CPQ: variants seen among roughly 807,000 people sequenced by gnomAD.
CPQ encodes the protein carboxypeptidase Q.
CPQ carries 37 observed loss-of-function variants against 45.7 expected under a neutral mutation model. The observed-to-expected ratio is 0.81, with a 90% CI of 0.62 to 1.07. CPQ has a LOEUF of 1.07. CPQ is among the 50% of genes least tolerant of loss of function. The pLI, the probability that CPQ is intolerant of heterozygous loss-of-function variation, is 0.00. For missense variants in CPQ, 537 were observed against 572.9 expected (o/e 0.94, Z 0.64); for synonymous variants, 186 against 205.8 (o/e 0.90, Z 0.82).
At position 96,741,650 on chromosome 8, in the gene CPQ, G is replaced by C. The variant is rs1483389342; in HGVS notation, c.-34-43214G>C. On this transcript the variant is annotated intron_variant, in intron 1 of 7. Transcript: ENST00000220763. Reference sequence around the variant, plus strand: ...TCCCTCTACACACTGCTTTGGATGCGTCCCAGAGATTCTGGTATGTTGTGT... The same window carrying C: ...TCCCTCTACACACTGCTTTGGATGCCTCCCAGAGATTCTGGTATGTTGTGT... Among the ~76,000 whole-genome samples, 3 of 151,910 alleles carry C rather than the reference G, an allele frequency of 2.0e-5. No individual in the cohort carries two copies. The South Asian group carries it at 6.3e-4, about 32-fold the overall frequency.
chr8:96,729,712 C>T (rs1809885742), intron 1 of CPQ, among the ~76,000 whole-genome samples: 1 of 152,236 alleles, frequency 6.6e-6, no homozygotes, highest in South Asian at 2.1e-4. Context: ...TATTATCACT[C>T]CCATTAAAAT....
intron 5 of CPQ, among the ~76,000 whole-genome samples, chr8:96,995,051 G>C (rs1809155456): frequency 6.6e-6 from 1 of 151,912 alleles, no homozygotes; most frequent in Non-Finnish European, 1.5e-5. Context: ...AAATCATACA[G>C]GTCTTGATAA....
intron 1 of CPQ, among the ~76,000 whole-genome samples, chr8:96,690,655 C>A (rs1316143841): frequency 1.3e-5 from 2 of 152,186 alleles, no homozygotes; most frequent in Non-Finnish European, 2.9e-5. Context: ...CATCTTCTTG[C>A]AACTCCGTTT....
At position 96,883,622 on chromosome 8, in the gene CPQ, C is replaced by T. The variant is rs193111788; in HGVS notation, c.849+3617C>T. On this transcript the variant is annotated intron_variant, in intron 4 of 7. Transcript: ENST00000220763. ...ATCTGCATTCTAGCTGGCCTGGAAC[C>T]GCAGGGGACATACAGACTATGAAGG... is the stretch of plus-strand genomic sequence containing the variant. Among the ~76,000 whole-genome samples, 282 of 152,204 alleles carry T rather than the reference C, an allele frequency of 1.9e-3. 3 individuals carry two copies. The highest frequency in any genetic ancestry group is 0.013 in the South Asian group (64 of 4,820).
At chr8:97,005,907 A>G (rs1234936101) in intron 5 of CPQ, among the ~76,000 whole-genome samples, 3 of 152,220 alleles carry the variant, frequency 2.0e-5, no homozygotes, top group African/African-American at 7.2e-5. Flanking sequence ...TGCACTGAAT[A>G]ATGGGAACCT....
chr8:96,792,739 G>A (rs192700796), intron 2 of CPQ, among the ~76,000 whole-genome samples: 66 of 152,106 alleles, frequency 4.3e-4, no homozygotes, highest in Non-Finnish European at 8.4e-4. Context: ...TTCTTTCCTT[G>A]GGGTATTATT....
intron 2 of CPQ, among the ~76,000 whole-genome samples, chr8:96,800,317 C>G (rs1422816841): frequency 6.6e-6 from 1 of 152,138 alleles, no homozygotes; most frequent in African/African-American, 2.4e-5. Context: ...CACTTTGTAG[C>G]AGGGATGTAT....
At chr8:96,828,736 G>A (rs1002026857) in intron 2 of CPQ, among the ~76,000 whole-genome samples, 1 of 152,036 alleles carries the variant, frequency 6.6e-6, no homozygotes, top group Non-Finnish European at 1.5e-5. Flanking sequence ...AGTGATTAGA[G>A]AGAAAGCAAC....
intron 2 of CPQ, among the ~76,000 whole-genome samples, chr8:96,809,259 A>C (rs562707891): frequency 2.6e-5 from 4 of 152,286 alleles, no homozygotes; most frequent in African/African-American, 9.6e-5. Flanking sequence ...AAAAATGAAA[A>C]CACAATTCTA....
At position 97,066,012 on chromosome 8, in the gene CPQ, A is replaced by T. The variant is rs1266858158; in HGVS notation, c.1057A>T (p.Asn353Tyr). ...AFQYYQLHKV[N>Y]ISNYSLVMES... ...AACAATTTTCTCTTGTGTTTAGGTAAATATTTCCAACTACAGTCTGGTGAT... is the reference window on the plus strand; with the variant it reads ...AACAATTTTCTCTTGTGTTTAGGTATATATTTCCAACTACAGTCTGGTGAT... The change falls in exon 7 of 8, where the codon AAT (asparagine) becomes TAT (tyrosine). Residue 353 changes from asparagine (N) to tyrosine (Y), a missense_variant. Coordinates refer to ENST00000220763, the MANE Select transcript of CPQ (RefSeq NM_016134.4). 9 of 1,610,026 alleles carry T rather than the reference A, an allele frequency of 5.6e-6. No individual in the cohort carries two copies. The highest frequency in any genetic ancestry group is 7.6e-6 in the Non-Finnish European group (9 of 1,179,230).
At chr8:97,095,089 C>A (rs574071874) in intron 7 of CPQ, among the ~76,000 whole-genome samples, 1 of 152,114 alleles carries the variant, frequency 6.6e-6, no homozygotes, top group Non-Finnish European at 1.5e-5. Context: ...CAGTCCCTTA[C>A]GTGTTAGTAT....
At chr8:96,763,715 AAAG>A (rs1810434047) in intron 1 of CPQ, among the ~76,000 whole-genome samples, 1 of 152,178 alleles carries the variant, frequency 6.6e-6, no homozygotes, top group Admixed American at 6.5e-5. Flanking sequence ...ACCTAATAAA[AAAG>A]GACAAAAGAT....
chr8:97,014,417 G>GA (rs1809543344), intron 5 of CPQ, among the ~76,000 whole-genome samples: 1 of 152,036 alleles, frequency 6.6e-6, no homozygotes, highest in African/African-American at 2.4e-5. Context: ...TTGGGAGGCC[G>GA]AGGCGGGCAG....
chr8:96,653,287 T>C (rs1025445544), intron 1 of CPQ, among the ~76,000 whole-genome samples: 16 of 152,242 alleles, frequency 1.1e-4, no homozygotes, highest in African/African-American at 3.6e-4. Context: ...GATAGTCTCA[T>C]TGCAGTTTTG....
At chr8:97,015,989 G>T (rs1242659287) in intron 5 of CPQ, among the ~76,000 whole-genome samples, 1 of 152,002 alleles carries the variant, frequency 6.6e-6, no homozygotes, top group Non-Finnish European at 1.5e-5. Context: ...CTTACAAGTT[G>T]TTTTGGTTTC....
intron 5 of CPQ, among the ~76,000 whole-genome samples, chr8:97,027,002 C>T (rs984712859): frequency 6.6e-6 from 1 of 151,910 alleles, no homozygotes; most frequent in South Asian, 2.1e-4. Context: ...CTGGTAGGTG[C>T]GGAGATATGT....
chr8:97,128,645 G>T (rs368413072), intron 7 of CPQ, among the ~76,000 whole-genome samples: 3 of 152,072 alleles, frequency 2.0e-5, no homozygotes, highest in African/African-American at 4.8e-5. Flanking sequence ...AGATGGTGCC[G>T]TTGCACTCCA....
At chr8:96,955,105 A>G (rs1258725620) in intron 4 of CPQ, among the ~76,000 whole-genome samples, 1 of 152,146 alleles carries the variant, frequency 6.6e-6, no homozygotes, top group African/African-American at 2.4e-5. Flanking sequence ...TCTTTTGGGT[A>G]TATACTCAGT....
At chr8:97,066,903 C>T (rs905396536) in intron 7 of CPQ, among the ~76,000 whole-genome samples, 1 of 136,894 alleles carries the variant, frequency 7.3e-6, no homozygotes, top group African/African-American at 2.7e-5. Context: ...CAAGCTGGAA[C>T]AGCTGGAACA....
Sources: gnomAD v4.1 joint callset for allele counts (sites outside exome capture counted in the v4.1 genomes callset) on GRCh38, gnomAD v4.1.1 for gene constraint, MANE v1.5 for transcripts, NCBI Gene and HGNC (gene_info 2026-07-23, HGNC 2026-07-21) for gene names.